Variants in CDC73 observed in about 807,000 individuals in gnomAD.
The protein encoded by CDC73 is cell division cycle 73, also known as parafibromin.
A neutral mutation model predicts 83.7 loss-of-function variants in CDC73; 21 were observed. That is an observed-to-expected ratio of 0.25 (90% CI 0.18 to 0.36). The LOEUF (loss-of-function observed/expected upper bound fraction) is 0.36. CDC73 is among the 10% of genes least tolerant of loss of function. The probability of loss-of-function intolerance (pLI) is 1.00; values close to 1 mark genes in which losing one functional copy is unlikely to be tolerated. For missense variants in CDC73, 342 were observed against 653.3 expected (o/e 0.52, Z 5.19); for synonymous variants, 224 against 212.9 (o/e 1.05, Z -0.45).
intron 15 of CDC73, among the ~76,000 whole-genome samples, chr1:193,245,617 AGTAT>A (rs1397256774): frequency 6.6e-6 from 1 of 152,154 alleles, no homozygotes; most frequent in East Asian, 1.9e-4. Flanking sequence ...ATATCTCTTC[AGTAT>A]ACTCATTTCC....
intron 10 of CDC73, among the ~76,000 whole-genome samples, chr1:193,187,360 G>T (rs1329071574): frequency 6.6e-6 from 1 of 152,060 alleles, no homozygotes; most frequent in Admixed American, 6.6e-5. Context: ...GGATCTGGGG[G>T]TAATGAGATT....
intron 8 of CDC73, among the ~76,000 whole-genome samples, chr1:193,149,051 G>A (rs928548085): frequency 6.6e-6 from 1 of 152,070 alleles, no homozygotes; most frequent in African/African-American, 2.4e-5. Flanking sequence ...TTTTAAAGAT[G>A]GTAGGCTTTT....
chr1:193,212,358 A>G (rs1490087311), intron 12 of CDC73, 32 bp from the exon 13 acceptor site: 2 of 1,268,172 alleles, frequency 1.6e-6, no homozygotes, highest in South Asian at 1.3e-5. Flanking sequence ...TTCTAATAAT[A>G]TATTTTCTAC....
intron 10 of CDC73, chr1:193,179,198 C>A (rs1196771678): frequency 3.3e-5 from 5 of 152,064 alleles, no homozygotes; most frequent in Non-Finnish European, 7.4e-5. Flanking sequence ...TGTCATCTAC[C>A]AAATTAAAAA....
chr1:193,193,586 A>G (rs757046283), intron 10 of CDC73, among the ~76,000 whole-genome samples: 1 of 152,216 alleles, frequency 6.6e-6, no homozygotes, highest in Non-Finnish European at 1.5e-5. Flanking sequence ...TGAGCCAAAA[A>G]AAGAAAAATG....
At chr1:193,218,786 A>G (rs1262842075) in intron 13 of CDC73, among the ~76,000 whole-genome samples, 1 of 152,220 alleles carries the variant, frequency 6.6e-6, no homozygotes, top group African/African-American at 2.4e-5. Flanking sequence ...ACTTAATTGT[A>G]GGACCTGAAA....
intron 9 of CDC73, among the ~76,000 whole-genome samples, chr1:193,151,779 C>A (rs2103133170): frequency 6.6e-6 from 1 of 151,970 alleles, no homozygotes; most frequent in African/African-American, 2.4e-5. Context: ...AAAAAAATAC[C>A]TGGGTGTGGT....
chr1:193,147,911 C>G lies in CDC73; in HGVS notation c.774C>G (p.Ala258=), dbSNP rs1161574170. ...TTGCAATTCTTCAATCTGTAAAAGC[C>G]AGAGAAGAAGGGCGTGCACCTGAAC... The part of the protein sequence containing the change: ...NIFAILQSVK[A]REEGRAPEQR... Residue 258 remains alanine (A), a synonymous_variant, in exon 8 of 17, where the codon GCC becomes GCG. Coordinates refer to ENST00000367435, the MANE Select transcript of CDC73 (RefSeq NM_024529.5). The G allele has an allele frequency of 6.2e-7, 1 of 1,613,432 alleles. No individual in the cohort carries two copies. Among genetic ancestry groups the G allele is most frequent in the Non-Finnish European group, 8.5e-7 (1 of 1,179,446 alleles).
intron 3 of CDC73, 108 bp from the exon 4 acceptor site, chr1:193,135,283 A>G: frequency 1.1e-6 from 1 of 887,962 alleles, no homozygotes; most frequent in Admixed American, 2.2e-5. Context: ...TACCTAGAGA[A>G]AATCACCATA....
At chr1:193,142,109 G>C (rs372300806) in intron 7 of CDC73, 43 bp downstream of exon 7, 101 of 1,482,096 alleles carry the variant, frequency 6.8e-5, no homozygotes, top group Non-Finnish European at 9.0e-5. Context: ...GAGAGAGAGA[G>C]AGAGAGAGTG....
At chr1:193,125,706 A>G (rs1183412796) in intron 2 of CDC73, among the ~76,000 whole-genome samples, 1 of 151,912 alleles carries the variant, frequency 6.6e-6, no homozygotes, top group Non-Finnish European at 1.5e-5. Context: ...TCTCCTGAGA[A>G]ACTGGGACTA....
In CDC73 at chr1:193,142,130, G is replaced by T. The variant is rs1420052078; in HGVS notation, c.729+64G>T. The T allele has an allele frequency of 3.0e-6, 4 of 1,336,468 alleles. No homozygotes were observed. In the Admixed American group the frequency reaches 5.2e-5, roughly 17 times the overall value. The allele number at this position is 1,336,468 out of a possible 1,614,324, so 82.8% of individuals were successfully genotyped here. On this transcript the variant is annotated intron_variant, in intron 7 of 16. Coordinates refer to ENST00000367435, the MANE Select transcript of CDC73 (RefSeq NM_024529.5). Reference sequence around the variant, plus strand: ...GAGAGAGAGAGAGTGCGTTTAATCTGTGGTTATAGAATTGGTTAAACTTTG... The same window carrying T: ...GAGAGAGAGAGAGTGCGTTTAATCTTTGGTTATAGAATTGGTTAAACTTTG...
At chr1:193,151,859 G>A (rs1457614655) in intron 9 of CDC73, among the ~76,000 whole-genome samples, 2 of 152,138 alleles carry the variant, frequency 1.3e-5, no homozygotes, top group African/African-American at 4.8e-5. Flanking sequence ...GTGGAGGGGG[G>A]ATGGGAGAAG....
At chr1:193,143,170 G>C (rs1675935786) in intron 7 of CDC73, among the ~76,000 whole-genome samples, 1 of 152,078 alleles carries the variant, frequency 6.6e-6, no homozygotes, top group Admixed American at 6.6e-5. Flanking sequence ...TTTGTACTTT[G>C]ACTTTGTTTT....
intron 7 of CDC73, among the ~76,000 whole-genome samples, chr1:193,143,917 C>T (rs1675948963): frequency 6.6e-6 from 1 of 151,988 alleles, no homozygotes. Flanking sequence ...AGATTCCAGC[C>T]TGGCCAACAT....
chr1:193,134,581 A>G (rs148622082), intron 3 of CDC73, among the ~76,000 whole-genome samples: 1,865 of 152,184 alleles, frequency 0.012, 19 homozygotes, highest in South Asian at 0.034. Flanking sequence ...TGAGGCAGGA[A>G]AATGGCGTGA....
intron 16 of CDC73, among the ~76,000 whole-genome samples, chr1:193,250,455 CAT>C (rs1329232245): frequency 2.0e-5 from 3 of 151,822 alleles, no homozygotes; most frequent in East Asian, 1.9e-4. Context: ...ATCTGTGAAA[CAT>C]ATATTATTTT....
In CDC73 at chr1:193,252,757, C is replaced by T; in HGVS notation, c.*2045C>T. ...TTTTTTAGCTGTTTATTCTAAAAAA[C>T]AAAAATTTTCAGCCACTCCCATTTA... is the stretch of plus-strand genomic sequence containing the variant. On this transcript the variant is annotated 3_prime_UTR_variant, in exon 17 of 17. Coordinates refer to ENST00000367435, the MANE Select transcript of CDC73 (RefSeq NM_024529.5). The T allele has an allele frequency of 4.3e-6, 1 of 231,616 alleles. No homozygotes were observed. The highest frequency in any genetic ancestry group is 6.1e-5 in the East Asian group (1 of 16,334). 14.3% of individuals were successfully genotyped at this position (231,616 alleles called of 1,614,324 possible).
Position 193,147,194 on chromosome 1 carries a change from G to A in CDC73, c.730-673G>A, listed in dbSNP as rs896608857. On this transcript the variant is annotated intron_variant, in intron 7 of 16. Transcript: ENST00000367435. ...GTTTTGGTAGAGACGGGATTTCACC[G>A]TATTAGCCAGAATGGCCTCAATCTC... is the stretch of plus-strand genomic sequence containing the variant. Among the ~76,000 whole-genome samples, 10 of 150,544 alleles carry A rather than the reference G, an allele frequency of 6.6e-5. No individual in the cohort carries two copies. In the East Asian group the frequency reaches 1.8e-3, roughly 27 times the overall value.
Sources: gnomAD v4.1 joint callset for allele counts (sites outside exome capture counted in the v4.1 genomes callset) on GRCh38, gnomAD v4.1.1 for gene constraint, MANE v1.5 for transcripts, NCBI Gene and HGNC (gene_info 2026-07-23, HGNC 2026-07-21) for gene names.